CNMD: variants seen among roughly 807,000 people sequenced by gnomAD.
The protein encoded by CNMD is leukocyte cell-derived chemotaxin 1.
A neutral mutation model predicts 37.5 loss-of-function variants in CNMD; 30 were observed. The observed-to-expected ratio is 0.80, with a 90% CI of 0.60 to 1.09. CNMD has a LOEUF of 1.09. Among genes scored for constraint, CNMD ranks in the 50% least tolerant of loss-of-function variants. The pLI, the probability that CNMD is intolerant of heterozygous loss-of-function variation, is 0.00. For synonymous variants in CNMD, 167 were observed against 148.2 expected (o/e 1.13, Z -0.92); for missense variants, 398 against 423.9 (o/e 0.94, Z 0.54).
At chr13:52,706,321 C>T (rs1056208429) in intron 6 of CNMD, among the ~76,000 whole-genome samples, 2 of 152,166 alleles carry the variant, frequency 1.3e-5, no homozygotes, top group African/African-American at 4.8e-5. Context: ...TGTAAATCTA[C>T]TTCGATGCAG....
intron 5 of CNMD, 131 bp downstream of exon 5, chr13:52,712,583 ACT>A: frequency 1.9e-6 from 1 of 514,990 alleles, no homozygotes; most frequent in Non-Finnish European, 3.3e-6. Flanking sequence ...CATGCTAATT[ACT>A]GAGACACTGC....
At chr13:52,721,239 A>C (rs758258915) in intron 4 of CNMD, among the ~76,000 whole-genome samples, 22 of 152,162 alleles carry the variant, frequency 1.4e-4, no homozygotes, top group Non-Finnish European at 2.4e-4. Context: ...GCTGGGCTCC[A>C]TGGGGGTGGG....
In CNMD at chr13:52,723,996, C is replaced by T; in HGVS notation, c.468+1G>A. The stretch of plus-strand genomic sequence containing the variant: ...ACTGTCTCAGGCATGTTGGTACCCA[C>T]CAGTTTGGAGGAGATGCTCTGTTTG... On this transcript the variant is annotated splice_donor_variant, in intron 4 of 6. Coordinates refer to ENST00000377962, the MANE Select transcript of CNMD (RefSeq NM_007015.3). LOFTEE classifies it high-confidence loss of function. 6.3e-7 allele frequency: 1 copy of T among 1,595,926 alleles called. No homozygotes were observed. Among genetic ancestry groups the T allele is most frequent in the Non-Finnish European group, 8.6e-7 (1 of 1,163,418 alleles).
chr13:52,704,526 G>C (rs1293069638), intron 6 of CNMD, among the ~76,000 whole-genome samples: 1 of 152,074 alleles, frequency 6.6e-6, no homozygotes, highest in Non-Finnish European at 1.5e-5. Context: ...TGAGATTACA[G>C]AACTGGAAGG....
intron 4 of CNMD, among the ~76,000 whole-genome samples, chr13:52,723,293 G>A (rs951986844): frequency 2.0e-5 from 3 of 151,996 alleles, no homozygotes; most frequent in Admixed American, 6.6e-5. Flanking sequence ...GGGTTTTGCC[G>A]TGTTGTCCAG....
At chr13:52,736,422 C>T (rs1386906434) in intron 2 of CNMD, among the ~76,000 whole-genome samples, 1 of 152,202 alleles carries the variant, frequency 6.6e-6, no homozygotes, top group Non-Finnish European at 1.5e-5. Flanking sequence ...AGCCACCACG[C>T]CTGGCCTGCA....
At chr13:52,735,561 A>G (rs1308774154) in intron 2 of CNMD, among the ~76,000 whole-genome samples, 3 of 151,952 alleles carry the variant, frequency 2.0e-5, no homozygotes, top group Non-Finnish European at 4.4e-5. Context: ...AGCCTCCCTA[A>G]CTAGGTGCAG....
intron 4 of CNMD, among the ~76,000 whole-genome samples, chr13:52,723,586 C>T (rs1011971578): frequency 1.1e-4 from 16 of 152,278 alleles, no homozygotes; most frequent in African/African-American, 3.9e-4. Context: ...GAGAAGAAAT[C>T]GAATTTACCA....
rs1430188119 is a variant in CNMD, at chr13:52,703,436, A to G, written c.*159T>C. The G allele has an allele frequency of 1.9e-5, 11 of 572,236 alleles. No homozygotes were observed. The highest frequency in any genetic ancestry group is 3.4e-5 in the Non-Finnish European group (11 of 321,142). 35.4% of individuals were successfully genotyped at this position (572,236 alleles called of 1,614,324 possible). A position where few individuals can be genotyped will look rare whatever the true frequency, so the allele number is the denominator to read the frequency against. On this transcript the variant is annotated 3_prime_UTR_variant, in exon 7 of 7. Transcript: ENST00000377962. ...ACATTTGCATATACTAAAGTTCTGG[A>G]AAACAATTGAAAAAATTCTGTTAAG...
At chr13:52,721,372 C>T (rs186331644) in intron 4 of CNMD, among the ~76,000 whole-genome samples, 11 of 152,290 alleles carry the variant, frequency 7.2e-5, no homozygotes, top group East Asian at 1.9e-4. Flanking sequence ...GCAGCTAGCT[C>T]GGTGTCTTCC....
chr13:52,719,122 C>G (rs1198660114), intron 4 of CNMD, among the ~76,000 whole-genome samples: 1 of 152,154 alleles, frequency 6.6e-6, no homozygotes, highest in Non-Finnish European at 1.5e-5. Context: ...GGTTTAAAGT[C>G]TGTTTTATCA....
At chr13:52,713,636 C>T (rs547445905) in intron 4 of CNMD, among the ~76,000 whole-genome samples, 1 of 152,330 alleles carries the variant, frequency 6.6e-6, no homozygotes, top group Admixed American at 6.5e-5. Flanking sequence ...TGCATTAAAA[C>T]AACTTAAAGT....
At chr13:52,723,592 T>G (rs753904303) in intron 4 of CNMD, among the ~76,000 whole-genome samples, 1 of 152,234 alleles carries the variant, frequency 6.6e-6, no homozygotes, top group Non-Finnish European at 1.5e-5. Flanking sequence ...AAATCGAATT[T>G]ACCATCTAGT....
Position 52,733,241 on chromosome 13 carries a change from AT to A in CNMD, c.331del (p.Ile111LeufsTer27). On this transcript the variant is annotated frameshift_variant, in exon 3 of 7. Transcript: ENST00000377962. LOFTEE classifies it high-confidence loss of function. The part of the protein sequence containing the change: ...FKMGSGAEEA[I>X]AVNDFQNGIT... The stretch of plus-strand genomic sequence containing the variant: ...TACATTCTGGAAATCATTAACTGCA[AT>A]TGCTTCTTCAGCTCCACTTCCCATT... 1 of 1,614,152 alleles carries A rather than the reference AT, an allele frequency of 6.2e-7. No individual in the cohort carries two copies. Among genetic ancestry groups the A allele is most frequent in the Non-Finnish European group, 8.5e-7 (1 of 1,179,980 alleles).
chr13:52,719,382 G>A (rs1360881848), intron 4 of CNMD, among the ~76,000 whole-genome samples: 1 of 152,148 alleles, frequency 6.6e-6, no homozygotes, highest in Non-Finnish European at 1.5e-5. Flanking sequence ...ATGCTAGCTG[G>A]TTATTTTGCC....
At position 52,739,414 on chromosome 13, in the gene CNMD, C is replaced by G; in HGVS notation, c.72+216G>C. ...GCCTTCGCCCCAGGACCTGCACCCT[C>G]TACCGGCCACGGGACGTCCCTCCGC... On this transcript the variant is annotated intron_variant, in intron 1 of 6. Transcript: ENST00000377962. The surrounding 1 kb of genome is among the most constrained non-coding windows in gnomAD (Gnocchi z 5.4). The G allele has an allele frequency of 3.0e-6, 2 of 667,318 alleles. No homozygotes were observed. The allele number at this position is 667,318 out of a possible 1,614,324, so 41.3% of individuals were successfully genotyped here.
chr13:52,730,402 A>T (rs545339509), intron 3 of CNMD, among the ~76,000 whole-genome samples: 1 of 152,130 alleles, frequency 6.6e-6, no homozygotes, highest in East Asian at 1.9e-4. Flanking sequence ...CGCCACACTG[A>T]CTTCCACAAT....
chr13:52,708,654 G>A lies in CNMD; in HGVS notation c.671C>T (p.Thr224Ile), dbSNP rs750734938. 13 of 1,612,334 alleles carry A rather than the reference G, an allele frequency of 8.1e-6. No individual in the cohort carries two copies. The South Asian group carries it at 1.3e-4, about 16-fold the overall frequency. Reference sequence around the variant, plus strand: ...TGGTCCACTGTGTGGTCTTTTTGTGGTAGTTGGAACAATTTTTCTTACCAC... The same window carrying A: ...TGGTCCACTGTGTGGTCTTTTTGTGATAGTTGGAACAATTTTTCTTACCAC... Reference protein sequence around the residue: ...REVVRKIVPTTTKRPHSGPRS... With the variant: ...REVVRKIVPTITKRPHSGPRS... The change falls in exon 6 of 7, where the codon ACC becomes ATC. Residue 224 changes from threonine to isoleucine, a missense_variant. By Grantham distance (89) the Thr-to-Ile change is moderately conservative. Transcript: ENST00000377962.
intron 2 of CNMD, among the ~76,000 whole-genome samples, chr13:52,738,088 A>C (rs973445075): frequency 1.3e-5 from 2 of 152,238 alleles, no homozygotes; most frequent in African/African-American, 4.8e-5. Context: ...TTTGCATTTC[A>C]TGGTAGGAGA....
Sources: gnomAD v4.1 joint callset for allele counts (sites outside exome capture counted in the v4.1 genomes callset) on GRCh38, gnomAD v4.1.1 for gene constraint, Gnocchi (gnomAD v3.1) non-coding constraint, MANE v1.5 for transcripts, NCBI Gene and HGNC (gene_info 2026-07-23, HGNC 2026-07-21) for gene names.